PRKN: variants seen among roughly 807,000 people sequenced by gnomAD.
PRKN encodes E3 ubiquitin-protein ligase parkin.
Under a neutral mutation model 59.5 loss-of-function variants are expected in PRKN, and 56 were observed. The observed-to-expected ratio is 0.94, with a 90% CI of 0.76 to 1.18. The LOEUF is 1.18. Ranked by LOEUF, PRKN falls within the 50% of genes most tolerant of loss-of-function variation. PRKN has a pLI of 0.00. For synonymous variants in PRKN, 250 were observed against 222.1 expected (o/e 1.13, Z -1.12); for missense variants, 657 against 596.4 (o/e 1.10, Z -1.06).
chr6:161,714,607 C>T (rs2128183421), intron 7 of PRKN, among the ~76,000 whole-genome samples: 1 of 152,288 alleles, frequency 6.6e-6, no homozygotes, highest in South Asian at 2.1e-4. Flanking sequence ...CAGACTAAGA[C>T]AGGGAGTGTC....
At chr6:162,597,604 A>G (rs1218123960) in intron 1 of PRKN, among the ~76,000 whole-genome samples, 1 of 152,128 alleles carries the variant, frequency 6.6e-6, no homozygotes, top group Non-Finnish European at 1.5e-5. Flanking sequence ...TTTCATGCCT[A>G]ATGTTTCTGA....
intron 6 of PRKN, among the ~76,000 whole-genome samples, chr6:161,865,500 G>C (rs1315692440): frequency 6.6e-6 from 1 of 152,160 alleles, no homozygotes; most frequent in Non-Finnish European, 1.5e-5. Context: ...TGTTTCATCT[G>C]CACTGACAAT....
chr6:162,538,931 G>A (rs1306499674), intron 1 of PRKN, among the ~76,000 whole-genome samples: 1 of 152,222 alleles, frequency 6.6e-6, no homozygotes, highest in Non-Finnish European at 1.5e-5. Context: ...AACAGGGCTT[G>A]TCCTGTCAGT....
At position 161,864,068 on chromosome 6, in the gene PRKN, T is replaced by C. The variant is rs762064193; in HGVS notation, c.735-78160A>G. On this transcript the variant is annotated intron_variant, in intron 6 of 11. Transcript: ENST00000366898. The stretch of plus-strand genomic sequence containing the variant: ...TGACCAGGGCAGTGGTTGCTGAAGA[T>C]TGGGGTGACTATAGTGGTTCCATAC... Among the ~76,000 whole-genome samples, 95 of 152,278 alleles carry C rather than the reference T, an allele frequency of 6.2e-4. No homozygotes were observed. In the Middle Eastern group the frequency reaches 0.01, roughly 16 times the overall value.
chr6:162,456,747 G>A (rs1334999964), intron 1 of PRKN, among the ~76,000 whole-genome samples: 2 of 152,106 alleles, frequency 1.3e-5, no homozygotes, highest in Admixed American at 1.3e-4. Flanking sequence ...TGTTTTATGT[G>A]TGTTTCTGTT....
At chr6:162,722,699 T>C (rs1341608973) in intron 1 of PRKN, among the ~76,000 whole-genome samples, 2 of 152,222 alleles carry the variant, frequency 1.3e-5, no homozygotes, top group African/African-American at 4.8e-5. Flanking sequence ...TTTGCATTTT[T>C]CAAAGAAACT....
chr6:161,577,775 T>G (rs1781188349), intron 7 of PRKN, among the ~76,000 whole-genome samples: 1 of 152,198 alleles, frequency 6.6e-6, no homozygotes, highest in Admixed American at 6.5e-5. Flanking sequence ...GCAGCTGCTG[T>G]ATTAATCCAA....
At chr6:161,696,727 A>G (rs1400423847) in intron 7 of PRKN, among the ~76,000 whole-genome samples, 3 of 152,186 alleles carry the variant, frequency 2.0e-5, no homozygotes, top group Admixed American at 2.0e-4. Flanking sequence ...TATTGTTAAG[A>G]TTATTTCAGA....
rs76204453 is a variant in PRKN at position 161,473,038 on chromosome 6, G to A, written c.1083+75816C>T. Among the ~76,000 whole-genome samples the A allele has an allele frequency of 6.6e-6, 1 of 152,154 alleles. No homozygotes were observed. The highest frequency in any genetic ancestry group is 1.5e-5 in the Non-Finnish European group (1 of 68,028). On this transcript the variant is annotated intron_variant, in intron 9 of 11. Transcript: ENST00000366898. The surrounding 1 kb of genome is among the most constrained non-coding windows in gnomAD (Gnocchi z 4.1). Reference sequence around the variant, plus strand: ...GGAGAAAAGGGAACCCTGACATGCTGTTGGTGGGAATGTAAATTGTTGCAG... The same window carrying A: ...GGAGAAAAGGGAACCCTGACATGCTATTGGTGGGAATGTAAATTGTTGCAG...
At chr6:162,266,627 T>G (rs993864732) in intron 2 of PRKN, among the ~76,000 whole-genome samples, 1 of 152,166 alleles carries the variant, frequency 6.6e-6, no homozygotes, top group Non-Finnish European at 1.5e-5. Flanking sequence ...TCAAACGGAC[T>G]CAAGCTCTAC....
intron 5 of PRKN, among the ~76,000 whole-genome samples, chr6:162,050,161 C>T (rs926363603): frequency 6.6e-6 from 1 of 152,066 alleles, no homozygotes; most frequent in Non-Finnish European, 1.5e-5. Context: ...GTAATGTTTC[C>T]ACCCTCTCCT....
intron 2 of PRKN, among the ~76,000 whole-genome samples, chr6:162,302,540 G>A (rs1782007485): frequency 6.6e-6 from 1 of 152,034 alleles, no homozygotes; most frequent in Non-Finnish European, 1.5e-5. Context: ...CAGTCCCCGG[G>A]GAAGAGCCAG....
At chr6:162,077,953 A>G (rs1436092501) in intron 4 of PRKN, among the ~76,000 whole-genome samples, 1 of 151,016 alleles carries the variant, frequency 6.6e-6, no homozygotes, top group Non-Finnish European at 1.5e-5. Context: ...GTGAGCCAAG[A>G]TCACACCACT....
At chr6:162,617,196 T>C (rs1392574828) in intron 1 of PRKN, among the ~76,000 whole-genome samples, 1 of 152,176 alleles carries the variant, frequency 6.6e-6, no homozygotes, top group African/African-American at 2.4e-5. Context: ...ATTTAAAATC[T>C]ATTCTTTTAG....
chr6:161,438,220 T>TAA lies in PRKN; in HGVS notation c.1084-51344_1084-51343insTT, dbSNP rs1406866235. Among the ~76,000 whole-genome samples, 903 of 145,346 alleles carry TAA rather than the reference T, an allele frequency of 6.2e-3. 12 individuals are homozygous for TAA. Among genetic ancestry groups the TAA allele is most frequent in the East Asian group, 0.057 (291 of 5,106 alleles). ...TTACAGGGAGAATTCTGTTAATTTT[T>TAA]TTTTTTTTTTTTTTTTGAGACAGAG... On this transcript the variant is annotated intron_variant, in intron 9 of 11. Transcript: ENST00000366898.
At chr6:161,875,919 C>T (rs1416165534) in intron 6 of PRKN, among the ~76,000 whole-genome samples, 1 of 152,082 alleles carries the variant, frequency 6.6e-6, no homozygotes, top group Non-Finnish European at 1.5e-5. Flanking sequence ...CGTTATGTAA[C>T]CCATGACTTT....
chr6:161,439,299 G>C (rs1789078374), intron 9 of PRKN, among the ~76,000 whole-genome samples: 1 of 152,188 alleles, frequency 6.6e-6, no homozygotes, highest in African/African-American at 2.4e-5. Flanking sequence ...AATCAAGAGG[G>C]CAGAGCCGGG....
At chr6:162,663,454 C>T (rs915482862) in intron 1 of PRKN, among the ~76,000 whole-genome samples, 3 of 151,404 alleles carry the variant, frequency 2.0e-5, no homozygotes, top group Admixed American at 2.0e-4. Context: ...TAGTTGCAGA[C>T]ATCACTGTAA....
At chr6:162,096,700 T>C (rs562927145) in intron 4 of PRKN, among the ~76,000 whole-genome samples, 119 of 152,192 alleles carry the variant, frequency 7.8e-4, no homozygotes, top group African/African-American at 2.8e-3. Context: ...CCATGTAAGA[T>C]GTGCCTTTGC....
Sources: gnomAD v4.1 joint callset for allele counts (sites outside exome capture counted in the v4.1 genomes callset) on GRCh38, gnomAD v4.1.1 for gene constraint, Gnocchi (gnomAD v3.1) non-coding constraint, MANE v1.5 for transcripts, NCBI Gene and HGNC (gene_info 2026-07-23, HGNC 2026-07-21) for gene names.